Variants in SLC7A5 observed in about 807,000 individuals in gnomAD.
SLC7A5 encodes solute carrier family 7 member 5.
Under a neutral mutation model 50.2 loss-of-function variants are expected in SLC7A5, and 23 were observed. The ratio of observed to expected loss-of-function variants is 0.46; its 90% CI spans 0.33 to 0.65. The LOEUF (loss-of-function observed/expected upper bound fraction) is 0.65, where lower values mean the gene tolerates loss of function less well. SLC7A5 is among the 30% of genes least tolerant of loss of function. SLC7A5 has a pLI of 0.02. For synonymous variants in SLC7A5, 393 were observed against 330.6 expected (o/e 1.19, Z -2.05); for missense variants, 578 against 684.4 (o/e 0.84, Z 1.73).
At chr16:87,846,266 G>T (rs1357104605) in intron 2 of SLC7A5, among the ~76,000 whole-genome samples, 1 of 152,242 alleles carries the variant, frequency 6.6e-6, no homozygotes, top group East Asian at 1.9e-4. Context: ...AGATGCCCTG[G>T]AGTCCCCCAC....
chr16:87,839,427 G>A, intron 5 of SLC7A5, among the ~76,000 whole-genome samples: 1 of 152,212 alleles, frequency 6.6e-6, no homozygotes, highest in East Asian at 1.9e-4. Context: ...CTGGCTTATA[G>A]CTGGTTCTGG....
chr16:87,850,971 G>A (rs1398738958), intron 2 of SLC7A5, among the ~76,000 whole-genome samples: 1 of 152,174 alleles, frequency 6.6e-6, no homozygotes, highest in Non-Finnish European at 1.5e-5. Flanking sequence ...AGGGGCGGGG[G>A]CTGTTTCACA....
At chr16:87,840,632 G>A (rs1300538988) in intron 3 of SLC7A5, among the ~76,000 whole-genome samples, 159 bp from the exon 4 acceptor site, 1 of 152,236 alleles carries the variant, frequency 6.6e-6, no homozygotes, top group Non-Finnish European at 1.5e-5. Context: ...TCAGCCTCCT[G>A]CGTGTTCCGG....
intron 8 of SLC7A5, among the ~76,000 whole-genome samples, chr16:87,835,667 G>T (rs974651844): frequency 2.6e-5 from 4 of 152,036 alleles, no homozygotes; most frequent in African/African-American, 9.7e-5. Context: ...GTAGAGACGG[G>T]GTTTCACCGT....
In SLC7A5 at chr16:87,831,215, G is replaced by C. The variant is rs901180687; in HGVS notation, c.*1755C>G. The C allele has an allele frequency of 2.0e-5, 3 of 152,340 alleles. No individual in the cohort carries two copies. Among genetic ancestry groups the C allele is most frequent in the African/African-American group, 7.2e-5 (3 of 41,474 alleles). 9.4% of individuals were successfully genotyped at this position (152,340 alleles called of 1,614,324 possible). ...CCGTGGGCTGTCCCTTGGACGAGTG[G>C]AATTCGTCCCCAGGAAGGATGCAGG... On this transcript the variant is annotated 3_prime_UTR_variant, in exon 10 of 10. Transcript: ENST00000261622.
At chr16:87,856,015 C>T (rs756016740) in intron 1 of SLC7A5, among the ~76,000 whole-genome samples, 6 of 152,186 alleles carry the variant, frequency 3.9e-5, no homozygotes, top group Non-Finnish European at 7.4e-5. Flanking sequence ...GGCTCAGCAC[C>T]TTGGCCTGTC....
At chr16:87,856,183 G>C (rs558294243) in intron 1 of SLC7A5, among the ~76,000 whole-genome samples, 7 of 152,204 alleles carry the variant, frequency 4.6e-5, no homozygotes, top group Non-Finnish European at 7.3e-5. Flanking sequence ...GCTCCTGCCA[G>C]GCCCCCGAGG....
At chr16:87,855,348 G>A (rs1597510801) in intron 1 of SLC7A5, among the ~76,000 whole-genome samples, 2 of 152,038 alleles carry the variant, frequency 1.3e-5, no homozygotes, top group Admixed American at 1.3e-4. Context: ...GAAGGCACCT[G>A]AACAGGGAGG....
At position 87,862,773 on chromosome 16, in the gene SLC7A5, G is replaced by A. The variant is rs1242315407; in HGVS notation, c.538+6112C>T. On this transcript the variant is annotated intron_variant, in intron 1 of 9. Transcript: ENST00000261622. This position sits in a 1 kb window ranked among gnomAD's most constrained non-coding sequence, Gnocchi z 5.3. Reference sequence around the variant, plus strand: ...TTCCACAGTCAGAAACAGGCTCGGCGGGGCCAGGTGGATTTCTCAAAGCCT... The same window carrying A: ...TTCCACAGTCAGAAACAGGCTCGGCAGGGCCAGGTGGATTTCTCAAAGCCT... Among the ~76,000 whole-genome samples, 4 of 152,216 alleles carry A rather than the reference G, an allele frequency of 2.6e-5. No individual in the cohort carries two copies. Among genetic ancestry groups the A allele is most frequent in the Non-Finnish European group, 4.4e-5 (3 of 68,040 alleles).
intron 1 of SLC7A5, among the ~76,000 whole-genome samples, chr16:87,867,327 G>C (rs2055475741): frequency 6.6e-6 from 1 of 152,200 alleles, no homozygotes; most frequent in Non-Finnish European, 1.5e-5. Flanking sequence ...GACTGAACCA[G>C]TGAAATTCTA....
rs2055414554 is a variant in SLC7A5, at chr16:87,862,709, C to A, written c.538+6176G>T. On this transcript the variant is annotated intron_variant, in intron 1 of 9. Coordinates refer to ENST00000261622, the MANE Select transcript of SLC7A5 (RefSeq NM_003486.7). The surrounding 1 kb of genome is among the most constrained non-coding windows in gnomAD (Gnocchi z 5.3). ...CAACTGGCACCTTCACACGCAGAGG[C>A]CTGGGATTCCCAGACACCTGGCGCT... Among the ~76,000 whole-genome samples the A allele has an allele frequency of 6.6e-6, 1 of 152,258 alleles. No homozygotes were observed. Among genetic ancestry groups the A allele is most frequent in the Non-Finnish European group, 1.5e-5 (1 of 68,054 alleles).
intron 2 of SLC7A5, among the ~76,000 whole-genome samples, chr16:87,847,765 C>A (rs571770925): frequency 7.2e-5 from 11 of 152,248 alleles, no homozygotes; most frequent in Admixed American, 2.0e-4. Context: ...GGCTGTGGGA[C>A]CTGGGGCAGG....
chr16:87,836,658 G>C lies in SLC7A5; in HGVS notation c.1141-11C>G. ...CAGCGTCATCACACACTGGAAGAGA[G>C]AGGCGGCTGGCTGAGCCCTGGGGCC... On this transcript the variant is annotated splice_polypyrimidine_tract_variant and intron_variant, in intron 7 of 9. Transcript: ENST00000261622. The C allele has an allele frequency of 1.2e-6, 2 of 1,610,738 alleles. No individual in the cohort carries two copies. Among genetic ancestry groups the C allele is most frequent in the East Asian group, 2.2e-5 (1 of 44,884 alleles).
chr16:87,863,466 C>T (rs1452489309), intron 1 of SLC7A5: 7 of 152,196 alleles, frequency 4.6e-5, no homozygotes, highest in South Asian at 2.1e-4. Flanking sequence ...AACCCAGCAT[C>T]GCTTGAATTT....
chr16:87,851,319 G>A (rs765482452), intron 2 of SLC7A5, among the ~76,000 whole-genome samples: 7 of 152,220 alleles, frequency 4.6e-5, no homozygotes, highest in Non-Finnish European at 1.0e-4. Flanking sequence ...GGTGAGGGGC[G>A]ACAGCACGTG....
Position 87,831,219 on chromosome 16 carries a change from T to A in SLC7A5, c.*1751A>T, listed in dbSNP as rs1354724259. 1 of 152,302 alleles carries A rather than the reference T, an allele frequency of 6.6e-6. No homozygotes were observed. The highest frequency in any genetic ancestry group is 1.5e-5 in the Non-Finnish European group (1 of 68,100). 9.4% of individuals were successfully genotyped at this position (152,302 alleles called of 1,614,324 possible). A position where few individuals can be genotyped will look rare whatever the true frequency, so the allele number is the denominator to read the frequency against. On this transcript the variant is annotated 3_prime_UTR_variant, in exon 10 of 10. Transcript: ENST00000261622. Reference sequence around the variant, plus strand: ...GGGCTGTCCCTTGGACGAGTGGAATTCGTCCCCAGGAAGGATGCAGGTCCT... The same window carrying A: ...GGGCTGTCCCTTGGACGAGTGGAATACGTCCCCAGGAAGGATGCAGGTCCT...
intron 8 of SLC7A5, 93 bp downstream of exon 8, chr16:87,836,405 G>C: frequency 1.4e-6 from 2 of 1,450,198 alleles, no homozygotes; most frequent in South Asian, 2.3e-5. Context: ...CAGAGGCTGA[G>C]CTGGGATGCT....
chr16:87,846,056 G>A (rs993921811), intron 2 of SLC7A5, among the ~76,000 whole-genome samples: 16 of 152,216 alleles, frequency 1.1e-4, no homozygotes, highest in Non-Finnish European at 1.6e-4. Flanking sequence ...TATCAACTGC[G>A]AGGTCTTCGA....
rs986973779 is a variant in SLC7A5 at position 87,862,881 on chromosome 16, G to C, written c.538+6004C>G. 1.3e-5 allele frequency among the ~76,000 whole-genome samples: 2 copies of C among 152,216 alleles called. No homozygotes were observed. The highest frequency in any genetic ancestry group is 2.4e-5 in the African/African-American group (1 of 41,454). On this transcript the variant is annotated intron_variant, in intron 1 of 9. Coordinates refer to ENST00000261622, the MANE Select transcript of SLC7A5 (RefSeq NM_003486.7). The surrounding 1 kb of genome is among the most constrained non-coding windows in gnomAD (Gnocchi z 5.3). ...GCATACCCGCCCACACCAATCTGCT[G>C]AGGAGTGACAGCCATGGGGAGGAGA...
Sources: gnomAD v4.1 joint callset for allele counts (sites outside exome capture counted in the v4.1 genomes callset) on GRCh38, gnomAD v4.1.1 for gene constraint, Gnocchi (gnomAD v3.1) non-coding constraint, MANE v1.5 for transcripts, NCBI Gene and HGNC (gene_info 2026-07-23, HGNC 2026-07-21) for gene names.